NUDT3: variants seen among roughly 807,000 people sequenced by gnomAD.
NUDT3 encodes nudix hydrolase 3.
A neutral mutation model predicts 23.6 loss-of-function variants in NUDT3; 9 were observed. That is an observed-to-expected ratio of 0.38 (90% CI 0.23 to 0.66). NUDT3 has a LOEUF of 0.66. NUDT3 is among the 30% of genes least tolerant of loss of function. The pLI, the probability that NUDT3 is intolerant of heterozygous loss-of-function variation, is 0.52. For missense variants in NUDT3, 172 were observed against 218.5 expected (o/e 0.79, Z 1.34); for synonymous variants, 86 against 82.6 (o/e 1.04, Z -0.22).
rs553743392 is a variant in NUDT3 at position 34,330,054 on chromosome 6, G to A, written c.210+11808C>T. Among the ~76,000 whole-genome samples, 6 of 152,220 alleles carry A rather than the reference G, an allele frequency of 3.9e-5. No individual in the cohort carries two copies. The East Asian group carries it at 7.7e-4, about 20-fold the overall frequency. On this transcript the variant is annotated intron_variant, in intron 2 of 4. Coordinates refer to ENST00000607016, the MANE Select transcript of NUDT3 (RefSeq NM_006703.4). ...TTTCTTAATCCAGTCTATCATTGAC[G>A]GACATTTGGATTGGTTCCAAGTCTT...
At chr6:34,297,718 TAAAAAAAAAAAA>T (rs200099331) in intron 2 of NUDT3, among the ~76,000 whole-genome samples, 4 of 78,796 alleles carry the variant, frequency 5.1e-5, no homozygotes, top group African/African-American at 9.6e-5. Context: ...CCGGCTAATG[TAAAAAAAAAAAA>T]ATATATATAT....
chr6:34,302,250 A>C (rs1763609465), intron 2 of NUDT3, among the ~76,000 whole-genome samples: 1 of 151,248 alleles, frequency 6.6e-6, no homozygotes, highest in African/African-American at 2.4e-5. Context: ...GGCTGGTCTC[A>C]AACTGCTGGG....
chr6:34,299,350 C>A (rs941572485), intron 2 of NUDT3, among the ~76,000 whole-genome samples: 2 of 152,190 alleles, frequency 1.3e-5, no homozygotes, highest in African/African-American at 2.4e-5. Context: ...ATTTAAAAGT[C>A]CATCTTAGTA....
At chr6:34,392,231 G>C (rs1420494796) in intron 1 of NUDT3, 33 bp downstream of exon 1, 3 of 1,526,036 alleles carry the variant, frequency 2.0e-6, no homozygotes, top group Admixed American at 2.0e-5. Context: ...CCGGAGACCC[G>C]GCGACCCCGG....
At chr6:34,370,077 T>C (rs1764802730) in intron 1 of NUDT3, among the ~76,000 whole-genome samples, 1 of 152,210 alleles carries the variant, frequency 6.6e-6, no homozygotes, top group African/African-American at 2.4e-5. Context: ...TGGTGACTCC[T>C]CAAATAATAT....
At chr6:34,293,021 T>A (rs1763446356) in intron 4 of NUDT3, among the ~76,000 whole-genome samples, 1 of 152,208 alleles carries the variant, frequency 6.6e-6, no homozygotes, top group Non-Finnish European at 1.5e-5. Flanking sequence ...ATTATACACA[T>A]CCTTCAATTA....
chr6:34,372,122 T>C (rs910390488), intron 1 of NUDT3, among the ~76,000 whole-genome samples: 1 of 152,288 alleles, frequency 6.6e-6, no homozygotes, highest in African/African-American at 2.4e-5. Flanking sequence ...ATGTGCCATA[T>C]TTTCTTAATC....
chr6:34,361,642 T>C (rs1764651740), intron 1 of NUDT3, among the ~76,000 whole-genome samples: 1 of 152,118 alleles, frequency 6.6e-6, no homozygotes, highest in Non-Finnish European at 1.5e-5. Context: ...CTTCAGTAGG[T>C]GAATGGATAA....
At chr6:34,338,049 C>T (rs796195433) in intron 2 of NUDT3, among the ~76,000 whole-genome samples, 1 of 152,218 alleles carries the variant, frequency 6.6e-6, no homozygotes, top group Non-Finnish European at 1.5e-5. Context: ...CAGAAAGAGT[C>T]AGGCAAAGGT....
In NUDT3 at chr6:34,359,101, C is replaced by T. The variant is rs143195980; in HGVS notation, c.100-17129G>A. ...TTAAGATTGAGAATTCGGCCAGGTG[C>T]GGTGGCTCATGCCTGTAATCCCAGC... On this transcript the variant is annotated intron_variant, in intron 1 of 4. Coordinates refer to ENST00000607016, the MANE Select transcript of NUDT3 (RefSeq NM_006703.4). 8.5e-5 allele frequency among the ~76,000 whole-genome samples: 13 copies of T among 152,206 alleles called. No individual in the cohort carries two copies. The East Asian group carries it at 2.1e-3, about 25-fold the overall frequency.
chr6:34,339,491 A>G (rs887293842), intron 2 of NUDT3, among the ~76,000 whole-genome samples: 2 of 152,214 alleles, frequency 1.3e-5, no homozygotes, highest in Admixed American at 1.3e-4. Context: ...TCAGATTCTG[A>G]TACAGTAGAT....
In NUDT3 at chr6:34,287,264, C is replaced by G. The variant is rs1763346777; in HGVS notation, c.*1489G>C. 1 of 151,954 alleles carries G rather than the reference C, an allele frequency of 6.6e-6. No homozygotes were observed. Among genetic ancestry groups the G allele is most frequent in the Non-Finnish European group, 1.5e-5 (1 of 68,020 alleles). 9.4% of individuals were successfully genotyped at this position (151,954 alleles called of 1,614,324 possible). A position where few individuals can be genotyped will look rare whatever the true frequency, so the allele number is the denominator to read the frequency against. On this transcript the variant is annotated 3_prime_UTR_variant, in exon 5 of 5. Transcript: ENST00000607016. ...CTATGATTTTAATTTCACATCTTGG[C>G]TAAGGAGATGCCACTGGAGTACAGA...
In NUDT3 at chr6:34,364,929, G is replaced by A. The variant is rs146357086; in HGVS notation, c.100-22957C>T. Among the ~76,000 whole-genome samples the A allele has an allele frequency of 5.7e-3, 868 of 152,296 alleles. 10 individuals carry two copies. The highest frequency in any genetic ancestry group is 0.04 in the East Asian group (205 of 5,172). Reference sequence around the variant, plus strand: ...CGAGCTACTCAGGAGGCTGAGGCAGGAGAATGGCGTGAACCCAGGAGGTGG... The same window carrying A: ...CGAGCTACTCAGGAGGCTGAGGCAGAAGAATGGCGTGAACCCAGGAGGTGG... On this transcript the variant is annotated intron_variant, in intron 1 of 4. Transcript: ENST00000607016.
intron 1 of NUDT3, among the ~76,000 whole-genome samples, chr6:34,385,686 C>CA (rs1765093880): frequency 7.1e-6 from 1 of 140,350 alleles, no homozygotes; most frequent in South Asian, 2.3e-4. Context: ...GCAGTAATTT[C>CA]TTTTTTTTTT....
At chr6:34,374,778 T>A (rs900557338) in intron 1 of NUDT3, among the ~76,000 whole-genome samples, 1 of 152,192 alleles carries the variant, frequency 6.6e-6, no homozygotes, top group Non-Finnish European at 1.5e-5. Flanking sequence ...ACCAACTATG[T>A]TATCTGGGAG....
chr6:34,302,455 G>A (rs552267063), intron 2 of NUDT3, among the ~76,000 whole-genome samples: 10 of 152,232 alleles, frequency 6.6e-5, no homozygotes, highest in South Asian at 2.1e-4. Flanking sequence ...ATCCATGGCC[G>A]GGTGCGGTGG....
intron 2 of NUDT3, among the ~76,000 whole-genome samples, chr6:34,303,646 T>C (rs1444208168): frequency 2.0e-5 from 3 of 152,200 alleles, no homozygotes; most frequent in Non-Finnish European, 1.5e-5. Context: ...GCTAACAGTT[T>C]TTATAATGAA....
chr6:34,350,083 C>T (rs1316133380), intron 1 of NUDT3, among the ~76,000 whole-genome samples: 1 of 149,066 alleles, frequency 6.7e-6, no homozygotes, highest in African/African-American at 2.5e-5. Flanking sequence ...AGCGAAACTC[C>T]GTCTCAAAAA....
intron 1 of NUDT3, among the ~76,000 whole-genome samples, chr6:34,370,733 T>C (rs920758744): frequency 1.3e-5 from 2 of 152,244 alleles, no homozygotes; most frequent in African/African-American, 4.8e-5. Flanking sequence ...TTTCTTTGGC[T>C]AAAACATAAA....
Sources: allele counts gnomAD v4.1 joint callset (sites outside exome capture counted in the v4.1 genomes callset), GRCh38; gene constraint gnomAD v4.1.1; transcripts MANE v1.5; gene names NCBI Gene and HGNC (gene_info 2026-07-23, HGNC 2026-07-21).